RAB3GAP1: variants seen among roughly 807,000 people sequenced by gnomAD.
The protein encoded by RAB3GAP1 is rab3 GTPase-activating protein catalytic subunit.
Under a neutral mutation model 130.7 loss-of-function variants are expected in RAB3GAP1, and 86 were observed. The ratio of observed to expected loss-of-function variants is 0.66; its 90% confidence interval spans 0.55 to 0.79. The LOEUF (loss-of-function observed/expected upper bound fraction) is 0.79. RAB3GAP1 is among the 30% of genes least tolerant of loss of function. The pLI is 0.00. For missense variants in RAB3GAP1, 1,029 were observed against 1,169.4 expected, an observed-to-expected ratio of 0.88 and a Z score of 1.75; for synonymous variants, 367 against 401.7, an observed-to-expected ratio of 0.91 and a Z score of 1.03.
intron 2 of RAB3GAP1, 56 bp downstream of exon 2, chr2:135,052,541 C>T (rs1208603806): frequency 1.3e-6 from 2 of 1,598,004 alleles, no homozygotes; most frequent in African/African-American, 2.7e-5. Context: ...GTCCCCTAGC[C>T]GCTTCCCTGA....
At chr2:135,167,235 TATC>T (rs1374465639) in intron 23 of RAB3GAP1, among the ~76,000 whole-genome samples, 2 of 152,200 alleles carry the variant, frequency 1.3e-5, no homozygotes. Context: ...TAATAAGCCT[TATC>T]ATGATTATAG....
chr2:135,106,928 C>G (rs1017967224), intron 5 of RAB3GAP1, among the ~76,000 whole-genome samples: 2 of 151,804 alleles, frequency 1.3e-5, no homozygotes, highest in African/African-American at 4.8e-5. Context: ...AGAACCACCC[C>G]TAGACATAGT....
At position 135,130,729 on chromosome 2, in the gene RAB3GAP1, A is replaced by T. The variant is rs754210131; in HGVS notation, c.1236+8A>T. On this transcript the variant is annotated splice_region_variant and intron_variant, in intron 13 of 23. Coordinates refer to ENST00000264158, the MANE Select transcript of RAB3GAP1 (RefSeq NM_012233.3). ...CTTAATACTATTCTCCTGGTAACTA[A>T]ATGTTCTGTCTTTATAGGTCTATAT... The T allele has an allele frequency of 6.8e-6, 11 of 1,606,682 alleles. No individual in the cohort carries two copies. The highest frequency in any genetic ancestry group is 9.4e-6 in the Non-Finnish European group (11 of 1,173,454).
intron 17 of RAB3GAP1, among the ~76,000 whole-genome samples, chr2:135,138,941 T>A (rs1691760849): frequency 1.3e-5 from 2 of 152,172 alleles, no homozygotes; most frequent in African/African-American, 4.8e-5. Flanking sequence ...CAATTGGTAT[T>A]ACCAACCATA....
chr2:135,166,906 T>A (rs1294143114), intron 23 of RAB3GAP1, among the ~76,000 whole-genome samples: 1 of 152,226 alleles, frequency 6.6e-6, no homozygotes, highest in African/African-American at 2.4e-5. Context: ...TACATCCATC[T>A]ACATTATGTC....
intron 9 of RAB3GAP1, 149 bp from the exon 10 acceptor site, chr2:135,126,032 C>T: frequency 6.3e-6 from 4 of 634,990 alleles, no homozygotes; most frequent in South Asian, 4.0e-5. Flanking sequence ...GATGTGCTAC[C>T]ATTTGCTAAA....
At chr2:135,125,711 T>C (rs1162582333) in intron 9 of RAB3GAP1, among the ~76,000 whole-genome samples, 1 of 152,138 alleles carries the variant, frequency 6.6e-6, no homozygotes, top group African/African-American at 2.4e-5. Flanking sequence ...ATTCACCTAA[T>C]GGGGTGGGAT....
intron 17 of RAB3GAP1, among the ~76,000 whole-genome samples, chr2:135,146,831 C>A (rs1399007734): frequency 2.0e-5 from 3 of 151,936 alleles, no homozygotes; most frequent in African/African-American, 7.3e-5. Flanking sequence ...TAGGTTTAGT[C>A]GTATTCCCTT....
chr2:135,164,541 G>C (rs574213807), intron 22 of RAB3GAP1, 53 bp from the exon 23 acceptor site: 1 of 1,413,986 alleles, frequency 7.1e-7, no homozygotes, highest in South Asian at 1.2e-5. Flanking sequence ...TGGACGCCCA[G>C]TGGCCTGGAC....
rs145150368 is a variant in RAB3GAP1, at chr2:135,062,726, G to C, written c.150+4640G>C. Among the ~76,000 whole-genome samples, 452 of 152,236 alleles carry C rather than the reference G, an allele frequency of 3.0e-3. 3 individuals are homozygous for C. Among genetic ancestry groups the C allele is most frequent in the African/African-American group, 0.01 (421 of 41,534 alleles). On this transcript the variant is annotated intron_variant, in intron 3 of 23. Coordinates refer to ENST00000264158, the MANE Select transcript of RAB3GAP1 (RefSeq NM_012233.3). ...TCCTCAGCAACATTTTGTAGTTTTG[G>C]TAGAGGTCTTGTATATCCTTTGTTA... is the stretch of plus-strand genomic sequence containing the variant.
At chr2:135,059,741 G>A (rs1689115246) in intron 3 of RAB3GAP1, among the ~76,000 whole-genome samples, 1 of 152,002 alleles carries the variant, frequency 6.6e-6, no homozygotes, top group African/African-American at 2.4e-5. Context: ...GATTTAAGTG[G>A]GTAGTTATTT....
intron 19 of RAB3GAP1, among the ~76,000 whole-genome samples, chr2:135,155,508 C>T (rs918191890): frequency 1.3e-5 from 2 of 152,130 alleles, no homozygotes; most frequent in Admixed American, 6.6e-5. Flanking sequence ...AGAAGCTCCT[C>T]ATTAGGCAAT....
At position 135,163,015 on chromosome 2, in the gene RAB3GAP1, A is replaced by G; in HGVS notation, c.2520A>G (p.Glu840=). The stretch of plus-strand genomic sequence containing the variant: ...TCATTCACCAGATTACTAATGTGGA[A>G]GCTCTCATTGCCAGAGCTCGGTCAC... The part of the protein sequence containing the change: ...EEIIHQITNV[E]ALIARARSLK... The change falls in exon 22 of 24, where the codon GAA becomes GAG. Residue 840 remains glutamate, a synonymous_variant. Coordinates refer to ENST00000264158, the MANE Select transcript of RAB3GAP1 (RefSeq NM_012233.3). 1.9e-6 allele frequency: 3 copies of G among 1,613,922 alleles called. No individual in the cohort carries two copies. Among genetic ancestry groups the G allele is most frequent in the Non-Finnish European group, 2.5e-6 (3 of 1,179,804 alleles).
At chr2:135,061,408 G>A (rs1689167625) in intron 3 of RAB3GAP1, among the ~76,000 whole-genome samples, 1 of 152,172 alleles carries the variant, frequency 6.6e-6, no homozygotes, top group Non-Finnish European at 1.5e-5. Context: ...GGGAGGTTGT[G>A]TTGCTATACA....
intron 11 of RAB3GAP1, among the ~76,000 whole-genome samples, chr2:135,128,967 A>G (rs185154307): frequency 7.9e-5 from 12 of 152,254 alleles, no homozygotes; most frequent in Middle Eastern, 3.4e-3. Context: ...CCTTGGCAAC[A>G]TGGCAAAACC....
chr2:135,145,381 C>T (rs941432113), intron 17 of RAB3GAP1, among the ~76,000 whole-genome samples: 4 of 145,764 alleles, frequency 2.7e-5, no homozygotes, highest in Non-Finnish European at 5.9e-5. Context: ...TACCACCCCT[C>T]ACCAACACAC....
intron 19 of RAB3GAP1, among the ~76,000 whole-genome samples, chr2:135,155,667 TGA>T (rs1447677707): frequency 1.3e-5 from 2 of 152,078 alleles, no homozygotes. Context: ...ACAGAATTTT[TGA>T]AAAACAATGA....
In RAB3GAP1 at chr2:135,077,731, A is replaced by G. The variant is rs904318072; in HGVS notation, c.151-13267A>G. Among the ~76,000 whole-genome samples, 9 of 152,156 alleles carry G rather than the reference A, an allele frequency of 5.9e-5. No homozygotes were observed. In the East Asian group the frequency reaches 1.5e-3, roughly 26 times the overall value. On this transcript the variant is annotated intron_variant, in intron 3 of 23. Transcript: ENST00000264158. ...TATTTCCTGGTGTTTCTTTCTTTCT[A>G]AAAAAATAATGATCATTCTAATGAG...
chr2:135,139,814 T>C (rs1691786680), intron 17 of RAB3GAP1, among the ~76,000 whole-genome samples: 1 of 152,210 alleles, frequency 6.6e-6, no homozygotes, highest in Admixed American at 6.5e-5. Context: ...AAATTTTTAA[T>C]TTTAATTTAT....
Sources: gnomAD v4.1 joint callset for allele counts (sites outside exome capture counted in the v4.1 genomes callset) on GRCh38, gnomAD v4.1.1 for gene constraint, MANE v1.5 for transcripts, NCBI Gene and HGNC (gene_info 2026-07-23, HGNC 2026-07-21) for gene names.